The following INPP4B variants were observed in gnomAD, a reference collection of about 807,000 sequenced individuals.
The protein encoded by INPP4B is inositol polyphosphate 4-phosphatase type II.
Under a neutral mutation model 122.5 loss-of-function variants are expected in INPP4B, and 55 were observed. That is an observed-to-expected ratio of 0.45 (90% confidence interval 0.36 to 0.56). INPP4B has a LOEUF of 0.56. Ranked by LOEUF, INPP4B falls within the 20% of genes least tolerant of loss-of-function variation. The pLI is 0.00. For synonymous variants in INPP4B, 403 were observed against 388.7 expected, an observed-to-expected ratio of 1.04 and a Z score of -0.43; for missense variants, 1,000 against 1,097.7, an observed-to-expected ratio of 0.91 and a Z score of 1.26.
intron 3 of INPP4B, 21 bp from the exon 4 acceptor site, chr4:142,431,406 A>C (rs1809263602): frequency 3.2e-6 from 2 of 628,780 alleles, no homozygotes; most frequent in Non-Finnish European, 2.8e-6. Flanking sequence ...TCAAAAGTTA[A>C]AATTTCAGTC....
intron 1 of INPP4B, among the ~76,000 whole-genome samples, chr4:142,771,198 A>G (rs1356576259): frequency 6.6e-6 from 1 of 152,186 alleles, no homozygotes; most frequent in Non-Finnish European, 1.5e-5. Context: ...TTTGAGGGAC[A>G]GAAAGTGGGT....
chr4:142,196,266 C>T (rs965187645), intron 14 of INPP4B, among the ~76,000 whole-genome samples: 1 of 152,086 alleles, frequency 6.6e-6, no homozygotes, highest in Non-Finnish European at 1.5e-5. Context: ...AGTGTTTTCA[C>T]ACCATATTTT....
intron 1 of INPP4B, among the ~76,000 whole-genome samples, chr4:142,824,262 C>T (rs1267027359): frequency 6.6e-6 from 1 of 151,844 alleles, no homozygotes; most frequent in Non-Finnish European, 1.5e-5. Context: ...AATAAATCCT[C>T]TTTTAACTAT....
chr4:142,730,407 A>G (rs1401015643), intron 1 of INPP4B, among the ~76,000 whole-genome samples: 2 of 152,188 alleles, frequency 1.3e-5, no homozygotes, highest in African/African-American at 2.4e-5. Context: ...CATTCCATGA[A>G]TTTTACATTG....
At chr4:142,703,497 G>A (rs779402348) in intron 2 of INPP4B, among the ~76,000 whole-genome samples, 1 of 152,104 alleles carries the variant, frequency 6.6e-6, no homozygotes, top group Non-Finnish European at 1.5e-5. Context: ...AGAGCTTCAG[G>A]AGAATAAAAG....
chr4:142,650,281 A>G (rs1345678543), intron 2 of INPP4B, among the ~76,000 whole-genome samples: 3 of 152,234 alleles, frequency 2.0e-5, no homozygotes, highest in Non-Finnish European at 4.4e-5. Context: ...TGTAAAGATC[A>G]TTGATGCTAT....
At chr4:142,710,773 T>G (rs1763023112) in intron 2 of INPP4B, among the ~76,000 whole-genome samples, 2 of 152,232 alleles carry the variant, frequency 1.3e-5, no homozygotes, top group Non-Finnish European at 2.9e-5. Context: ...TTGTCAAATT[T>G]GATGTATCTC....
At chr4:142,446,426 C>T (rs1005889494) in intron 3 of INPP4B, among the ~76,000 whole-genome samples, 10 of 152,116 alleles carry the variant, frequency 6.6e-5, no homozygotes, top group African/African-American at 2.4e-4. Flanking sequence ...TTTAGAGTAA[C>T]ATAAACTTTT....
intron 9 of INPP4B, among the ~76,000 whole-genome samples, chr4:142,280,795 T>A (rs3113513): frequency 6.6e-6 from 1 of 151,814 alleles, no homozygotes; most frequent in Non-Finnish European, 1.5e-5. Context: ...ATTATTAAAA[T>A]GTTATCCTCT....
intron 9 of INPP4B, among the ~76,000 whole-genome samples, chr4:142,298,908 G>A (rs1017325320): frequency 5.9e-5 from 9 of 151,946 alleles, no homozygotes; most frequent in Non-Finnish European, 7.4e-5. Context: ...AGATTGAGGC[G>A]AACAGAAGAT....
intron 7 of INPP4B, among the ~76,000 whole-genome samples, chr4:142,316,013 CT>C (rs1432027648): frequency 6.6e-6 from 1 of 152,158 alleles, no homozygotes; most frequent in Non-Finnish European, 1.5e-5. Flanking sequence ...TCCTCATGGC[CT>C]GCTAATCTTG....
chr4:142,288,707 T>C (rs1282446772), intron 9 of INPP4B, among the ~76,000 whole-genome samples: 1 of 152,160 alleles, frequency 6.6e-6, no homozygotes, highest in Non-Finnish European at 1.5e-5. Context: ...TCCTTTCTAT[T>C]TTTTTTCTTT....
At chr4:142,207,321 A>C (rs961669842) in intron 14 of INPP4B, among the ~76,000 whole-genome samples, 2 of 152,050 alleles carry the variant, frequency 1.3e-5, no homozygotes, top group Non-Finnish European at 2.9e-5. Context: ...TGAATGTTGG[A>C]CCCTATCGTA....
chr4:142,100,154 T>C (rs1426519297), intron 23 of INPP4B, among the ~76,000 whole-genome samples: 2 of 152,140 alleles, frequency 1.3e-5, no homozygotes, highest in Non-Finnish European at 2.9e-5. Flanking sequence ...ATTCCCATTC[T>C]GCTCTTTATC....
At chr4:142,190,741 TGTGTGCGC>T (rs1380114650) in intron 15 of INPP4B, among the ~76,000 whole-genome samples, 2 of 147,838 alleles carry the variant, frequency 1.4e-5, no homozygotes, top group African/African-American at 5.0e-5. Context: ...TGTGTGTGTG[TGTGTGCGC>T]GTGTGTGTTG....
intron 1 of INPP4B, among the ~76,000 whole-genome samples, chr4:142,824,369 G>A (rs779580697): frequency 2.8e-5 from 4 of 141,388 alleles, no homozygotes; most frequent in African/African-American, 1.1e-4. Flanking sequence ...TTTCTCTGGA[G>A]AACCCAGGCC....
intron 23 of INPP4B, among the ~76,000 whole-genome samples, chr4:142,091,135 T>C (rs1779349920): frequency 6.6e-6 from 1 of 152,168 alleles, no homozygotes; most frequent in Non-Finnish European, 1.5e-5. Flanking sequence ...TTTTACCCTA[T>C]CTGTAAATAT....
intron 1 of INPP4B, among the ~76,000 whole-genome samples, chr4:142,778,812 A>G (rs949068052): frequency 6.6e-6 from 1 of 152,096 alleles, no homozygotes; most frequent in Admixed American, 6.6e-5. Context: ...TTCATTTTCA[A>G]TATATTCTTT....
intron 12 of INPP4B, among the ~76,000 whole-genome samples, chr4:142,235,870 A>C (rs111828473): frequency 0.029 from 4,429 of 152,290 alleles, 196 homozygotes; most frequent in African/African-American, 0.1. Flanking sequence ...ATCACAGTAA[A>C]TGGGATATTC....
Sources: allele counts gnomAD v4.1 joint callset (sites outside exome capture counted in the v4.1 genomes callset), GRCh38; gene constraint gnomAD v4.1.1; transcripts MANE v1.5; gene names NCBI Gene and HGNC (gene_info 2026-07-23, HGNC 2026-07-21).